The following DHRS7 variants were observed in gnomAD, a reference collection of about 807,000 sequenced individuals.
DHRS7 encodes dehydrogenase/reductase 7, also known as dehydrogenase/reductase SDR family member 7.
Under a neutral mutation model 38.9 loss-of-function variants are expected in DHRS7, and 34 were observed. The ratio of observed to expected loss-of-function variants is 0.87; its 90% CI spans 0.66 to 1.16. DHRS7 has a LOEUF of 1.16. Ranked by LOEUF, DHRS7 falls within the 50% of genes most tolerant of loss-of-function variation. The probability of loss-of-function intolerance (pLI) is 0.00; values close to 1 mark genes in which losing one functional copy is unlikely to be tolerated. For synonymous variants in DHRS7, 158 were observed against 153.1 expected (o/e 1.03, Z -0.24); for missense variants, 421 against 407.0 (o/e 1.03, Z -0.30).
intron 2 of DHRS7, among the ~76,000 whole-genome samples, chr14:60,155,198 C>A (rs1303741003): frequency 6.6e-6 from 1 of 152,112 alleles, no homozygotes; most frequent in East Asian, 1.9e-4. Context: ...CCTGTAATCC[C>A]AGCATTTTGG....
At chr14:60,158,268 A>T (rs147307772) in intron 1 of DHRS7, among the ~76,000 whole-genome samples, 176 of 150,362 alleles carry the variant, frequency 1.2e-3, no homozygotes, top group African/African-American at 4.0e-3. Context: ...TCAACTAAGG[A>T]TGGAAACATC....
chr14:60,152,137 C>T (rs1303942220), intron 4 of DHRS7, among the ~76,000 whole-genome samples: 1 of 152,226 alleles, frequency 6.6e-6, no homozygotes, highest in East Asian at 1.9e-4. Flanking sequence ...GCTATTGCAT[C>T]TCATGATTCC....
intron 2 of DHRS7, among the ~76,000 whole-genome samples, chr14:60,155,104 TAATA>T (rs1472357294): frequency 3.3e-5 from 5 of 152,184 alleles, no homozygotes; most frequent in African/African-American, 1.2e-4. Context: ...TAGGTACTAT[TAATA>T]AATGTTCCAT....
At chr14:60,157,160 G>A (rs1896676547) in intron 1 of DHRS7, among the ~76,000 whole-genome samples, 1 of 152,178 alleles carries the variant, frequency 6.6e-6, no homozygotes, top group Non-Finnish European at 1.5e-5. Flanking sequence ...AATCCTAACT[G>A]TGATGTTAAC....
Position 60,148,566 on chromosome 14 carries a change from T to A in DHRS7, c.972+787A>T, listed in dbSNP as rs1388827510. Reference sequence around the variant, plus strand: ...TTCCTTAGACAGGGGAATAGGCACATCTTAGATGTGCTGAGTACTTCGGGA... The same window carrying A: ...TTCCTTAGACAGGGGAATAGGCACAACTTAGATGTGCTGAGTACTTCGGGA... On this transcript the variant is annotated intron_variant, in intron 6 of 6. Transcript: ENST00000557185. This position sits in a 1 kb window ranked among gnomAD's most constrained non-coding sequence, Gnocchi z 4.8. 6.6e-6 allele frequency among the ~76,000 whole-genome samples: 1 copy of A among 152,158 alleles called. No individual in the cohort carries two copies.
chr14:60,157,585 GTAT>G (rs1896683259), intron 1 of DHRS7, among the ~76,000 whole-genome samples: 1 of 152,162 alleles, frequency 6.6e-6, no homozygotes, highest in Non-Finnish European at 1.5e-5. Flanking sequence ...GTATGGAAAG[GTAT>G]TATTATCTCA....
Position 60,149,410 on chromosome 14 carries a change from G to A in DHRS7, c.915C>T (p.Ala305=). The A allele has an allele frequency of 1.2e-6, 2 of 1,614,142 alleles. No homozygotes were observed. The highest frequency in any genetic ancestry group is 1.7e-6 in the Non-Finnish European group (2 of 1,180,024). The part of the protein sequence containing the change: ...TYLWQYMPTW[A]WWITNKMGKK... ...TCCCCATCTTGTTGGTTATCCACCAGGCCCAGGTTGGCATGTATTGCCACA... is the reference window on the plus strand; with the variant it reads ...TCCCCATCTTGTTGGTTATCCACCAAGCCCAGGTTGGCATGTATTGCCACA... Residue 305 remains alanine (A), a synonymous_variant, in exon 6 of 7, where the codon GCC becomes GCT. Transcript: ENST00000557185.
chr14:60,149,659 T>G, intron 5 of DHRS7, 91 bp from the exon 6 acceptor site: 1 of 983,182 alleles, frequency 1.0e-6, no homozygotes, highest in Non-Finnish European at 1.5e-6. Flanking sequence ...AGTTGAGTGG[T>G]TCCTTTAGTG....
chr14:60,153,152 TCCA>T lies in DHRS7; in HGVS notation c.417_419del (p.Gly140del). 11 of 1,614,148 alleles carry T rather than the reference TCCA, an allele frequency of 6.8e-6. No individual in the cohort carries two copies. Among genetic ancestry groups the T allele is most frequent in the Non-Finnish European group, 8.5e-6 (10 of 1,180,006 alleles). On this transcript the variant is annotated inframe_deletion, in exon 4 of 7. Coordinates refer to ENST00000557185, the MANE Select transcript of DHRS7 (RefSeq NM_016029.4). This position sits in a 1 kb window ranked among gnomAD's most constrained non-coding sequence, Gnocchi z 4.4. ...CCATGCACAGAGAACGCTGGGACAT[TCCA>T]CCATTGTTGACCAGAATGTCGATCT...
intron 4 of DHRS7, 73 bp downstream of exon 4, chr14:60,152,866 A>G: frequency 1.3e-6 from 2 of 1,552,146 alleles, no homozygotes; most frequent in Non-Finnish European, 1.8e-6. Context: ...CAAGGACCTC[A>G]CACAGTGATG....
chr14:60,168,596 T>A (rs1479880423), upstream of DHRS7: 26 of 1,411,058 alleles, frequency 1.8e-5, no homozygotes, highest in African/African-American at 1.6e-4. Flanking sequence ...GTTAAAAAAA[T>A]TAGGTTAAAT....
chr14:60,165,420 C>G, upstream of DHRS7: 1 of 1,429,656 alleles, frequency 7.0e-7, no homozygotes, highest in Non-Finnish European at 9.1e-7. The surrounding 1 kb of genome is among the most constrained non-coding windows in gnomAD (Gnocchi z 4.6). Context: ...AGCCGCACTG[C>G]CCCGGCTCCG....
At chr14:60,163,105 G>C (rs369475711) in intron 1 of DHRS7, among the ~76,000 whole-genome samples, 1 of 152,012 alleles carries the variant, frequency 6.6e-6, no homozygotes, top group East Asian at 1.9e-4. Context: ...AGGAGATAGA[G>C]GTTGCAGTGA....
Position 60,152,097 on chromosome 14 carries a change from A to C in DHRS7, c.633+842T>G, listed in dbSNP as rs547516239. 8.5e-5 allele frequency among the ~76,000 whole-genome samples: 13 copies of C among 152,354 alleles called. 1 individual carries two copies. The South Asian group carries it at 2.7e-3, about 32-fold the overall frequency. ...AGATGTCCTAAAGAACCAAAGCTTC[A>C]AATTTTCATGAAACCATGATGACCA... On this transcript the variant is annotated intron_variant, in intron 4 of 6. Coordinates refer to ENST00000557185, the MANE Select transcript of DHRS7 (RefSeq NM_016029.4).
intron 1 of DHRS7, chr14:60,159,388 A>C: frequency 3.5e-6 from 1 of 283,444 alleles, no homozygotes; most frequent in South Asian, 3.4e-5. Context: ...TATGTTGGAC[A>C]GATTTCAAAA....
In DHRS7 at chr14:60,156,151, T is replaced by C. The variant is rs757051755; in HGVS notation, c.135A>G (p.Glu45=). ...LWAEWQGRRP[E]WELTDMVVWV... ...ACACCACCATATCAGTCAGCTCCCA[T>C]TCTATGGAAGGAATGTAAATGGAAG... Residue 45 remains glutamate (E), a splice_region_variant and synonymous_variant, in exon 2 of 7, where the codon GAA becomes GAG. Transcript: ENST00000557185. The C allele has an allele frequency of 3.8e-6, 6 of 1,569,454 alleles. No individual in the cohort carries two copies. The South Asian group carries it at 7.1e-5, about 19-fold the overall frequency.
chr14:60,168,990 G>A (rs1034866350), upstream of DHRS7: 10 of 366,582 alleles, frequency 2.7e-5, no homozygotes, highest in African/African-American at 6.3e-5. Context: ...ACATTGCACC[G>A]AGGCTGAAGT....
In DHRS7 at chr14:60,146,911, G is replaced by A. The variant is rs1896420227; in HGVS notation, c.973-1898C>T. On this transcript the variant is annotated intron_variant, in intron 6 of 6. Transcript: ENST00000557185. The surrounding 1 kb of genome is among the most constrained non-coding windows in gnomAD (Gnocchi z 4.9). ...TGATGGTTGCCAGGAGCCAGAAGAT[G>A]GAGGAAATGGGGAGATCTTGGTCAA... 6.6e-6 allele frequency: 1 copy of A among 152,180 alleles called. No homozygotes were observed. The highest frequency in any genetic ancestry group is 2.4e-5 in the African/African-American group (1 of 41,428). 9.4% of individuals were successfully genotyped at this position (152,180 alleles called of 1,614,324 possible).
intron 5 of DHRS7, 76 bp downstream of exon 5, chr14:60,149,989 A>T (rs1896502225): frequency 2.8e-6 from 4 of 1,450,978 alleles, no homozygotes; most frequent in Non-Finnish European, 3.7e-6. Flanking sequence ...TATGATATAC[A>T]GTGATACAAC....
Sources: allele counts gnomAD v4.1 joint callset (sites outside exome capture counted in the v4.1 genomes callset), GRCh38; gene constraint gnomAD v4.1.1; non-coding constraint Gnocchi (gnomAD v3.1); transcripts MANE v1.5; gene names NCBI Gene and HGNC (gene_info 2026-07-23, HGNC 2026-07-21).